PPM1L: variants seen among roughly 807,000 people sequenced by gnomAD.
PPM1L encodes protein phosphatase 1L.
PPM1L carries 13 observed loss-of-function variants against 31.4 expected under a neutral mutation model. The observed-to-expected ratio is 0.41, with a 90% CI of 0.27 to 0.66. The LOEUF is 0.66. Among genes scored for constraint, PPM1L ranks in the 30% least tolerant of loss-of-function variants. The pLI is 0.29. For missense variants in PPM1L, 326 were observed against 453.7 expected, an observed-to-expected ratio of 0.72 and a Z score of 2.56; for synonymous variants, 184 against 175.4, an observed-to-expected ratio of 1.05 and a Z score of -0.39.
chr3:161,043,881 T>C (rs898433689), intron 2 of PPM1L, among the ~76,000 whole-genome samples: 2 of 152,190 alleles, frequency 1.3e-5, no homozygotes, highest in Admixed American at 1.3e-4. Flanking sequence ...CTCCTCCCAC[T>C]CACTTTACCC....
At chr3:160,773,209 ATCTCAAT>A (rs1225947774) in intron 1 of PPM1L, among the ~76,000 whole-genome samples, 1 of 152,194 alleles carries the variant, frequency 6.6e-6, no homozygotes, top group Non-Finnish European at 1.5e-5. Flanking sequence ...GTGAAGCAGT[ATCTCAAT>A]GTAGTTTTAG....
At chr3:160,818,458 C>T (rs1480116333) in intron 1 of PPM1L, among the ~76,000 whole-genome samples, 1 of 151,962 alleles carries the variant, frequency 6.6e-6, no homozygotes, top group Non-Finnish European at 1.5e-5. Context: ...AGCTCACTGC[C>T]CTACATTTCT....
intron 2 of PPM1L, among the ~76,000 whole-genome samples, chr3:160,969,255 A>G (rs146428272): frequency 6.6e-6 from 1 of 152,354 alleles, no homozygotes; most frequent in Non-Finnish European, 1.5e-5. Context: ...TTTTGGAAAA[A>G]TAGCTTTTTA....
In PPM1L at chr3:160,843,921, T is replaced by C. The variant is rs565391280; in HGVS notation, c.399+87214T>C. Among the ~76,000 whole-genome samples, 10 of 152,256 alleles carry C rather than the reference T, an allele frequency of 6.6e-5. No homozygotes were observed. The East Asian group carries it at 1.9e-3, about 29-fold the overall frequency. Reference sequence around the variant, plus strand: ...GATAGACTGGATTAAGAAAATGTGGTACATATACACCATGGAATACTATGC... The same window carrying C: ...GATAGACTGGATTAAGAAAATGTGGCACATATACACCATGGAATACTATGC... On this transcript the variant is annotated intron_variant, in intron 1 of 3. Transcript: ENST00000498165.
intron 2 of PPM1L, among the ~76,000 whole-genome samples, chr3:161,037,156 A>T (rs1718764052): frequency 6.6e-6 from 1 of 152,140 alleles, no homozygotes; most frequent in Non-Finnish European, 1.5e-5. Context: ...GGACTTTATG[A>T]TTCCTTTGTA....
chr3:160,826,315 G>A (rs1449024320), intron 1 of PPM1L, among the ~76,000 whole-genome samples: 1 of 152,092 alleles, frequency 6.6e-6, no homozygotes, highest in Non-Finnish European at 1.5e-5. Flanking sequence ...ATGGAATTTG[G>A]CCCATGGCTC....
chr3:160,933,679 C>T (rs1233566330), intron 1 of PPM1L, among the ~76,000 whole-genome samples: 1 of 145,176 alleles, frequency 6.9e-6, no homozygotes, highest in Non-Finnish European at 1.5e-5. Context: ...GTTGCCTTGA[C>T]TTTTTTTTTT....
chr3:160,851,480 T>G (rs1028162428), intron 1 of PPM1L, among the ~76,000 whole-genome samples: 5 of 152,230 alleles, frequency 3.3e-5, no homozygotes, highest in Non-Finnish European at 7.3e-5. Flanking sequence ...AGGGGTAATT[T>G]GCTTCATTGC....
chr3:160,833,979 A>G (rs1713612793), intron 1 of PPM1L, among the ~76,000 whole-genome samples: 1 of 150,244 alleles, frequency 6.7e-6, no homozygotes, highest in Non-Finnish European at 1.5e-5. Flanking sequence ...TCCAGTGTCC[A>G]GTTACAAATT....
At chr3:161,064,017 CA>C (rs1194144911) in intron 2 of PPM1L, among the ~76,000 whole-genome samples, 1 of 151,802 alleles carries the variant, frequency 6.6e-6, no homozygotes, top group African/African-American at 2.4e-5. Flanking sequence ...CAGGGTCTGT[CA>C]GGGGGTGTGG....
chr3:161,046,097 C>T (rs551331655), intron 2 of PPM1L, among the ~76,000 whole-genome samples: 106 of 102,912 alleles, frequency 1.0e-3, no homozygotes, highest in African/African-American at 1.6e-3. Flanking sequence ...GGTGACAGAG[C>T]GAGACTCTGT....
intron 1 of PPM1L, among the ~76,000 whole-genome samples, chr3:160,831,528 A>G (rs1405206375): frequency 1.3e-5 from 2 of 152,240 alleles, no homozygotes; most frequent in East Asian, 3.8e-4. Flanking sequence ...GACCTCTGCT[A>G]CACAAAGGCT....
chr3:160,768,268 A>G (rs1715162347), intron 1 of PPM1L, among the ~76,000 whole-genome samples: 1 of 152,114 alleles, frequency 6.6e-6, no homozygotes, highest in African/African-American at 2.4e-5. Flanking sequence ...TGAAATATCT[A>G]TTTTTAAGGA....
intron 1 of PPM1L, among the ~76,000 whole-genome samples, chr3:160,863,592 A>G (rs1355927196): frequency 6.6e-6 from 1 of 152,128 alleles, no homozygotes; most frequent in Non-Finnish European, 1.5e-5. Context: ...TGCTGTGGAA[A>G]CTGTCTAGTG....
chr3:160,976,430 A>G (rs1423631288), intron 2 of PPM1L, among the ~76,000 whole-genome samples: 1 of 142,718 alleles, frequency 7.0e-6, no homozygotes, highest in Non-Finnish European at 1.5e-5. Flanking sequence ...TATTGATTGG[A>G]ATAGTTTCAG....
At chr3:161,018,367 A>G (rs566788448) in intron 2 of PPM1L, among the ~76,000 whole-genome samples, 5 of 152,332 alleles carry the variant, frequency 3.3e-5, no homozygotes, top group African/African-American at 1.2e-4. Context: ...TGTTTATTCA[A>G]TAGTAATAAT....
Position 160,962,145 on chromosome 3 carries a change from G to T in PPM1L, c.574+235G>T, listed in dbSNP as rs530541333. ...TGCTGTTTTTTATTGGGATTTTTTT[G>T]GCCTTTTATTAACTGGGTACTCCTA... On this transcript the variant is annotated intron_variant, in intron 2 of 3. Coordinates refer to ENST00000498165, the MANE Select transcript of PPM1L (RefSeq NM_139245.4). Among the ~76,000 whole-genome samples the T allele has an allele frequency of 3.3e-5, 5 of 151,694 alleles. No individual in the cohort carries two copies. In the East Asian group the frequency reaches 9.7e-4, roughly 29 times the overall value.
rs1419027068 is a variant in PPM1L at position 161,071,750 on chromosome 3, T to TG, written c.*2597dup. 6.6e-6 allele frequency: 1 copy of TG among 152,208 alleles called. No individual in the cohort carries two copies. Among genetic ancestry groups the TG allele is most frequent in the Non-Finnish European group, 1.5e-5 (1 of 68,046 alleles). 9.4% of individuals were successfully genotyped at this position (152,208 alleles called of 1,614,324 possible). On this transcript the variant is annotated 3_prime_UTR_variant, in exon 4 of 4. Transcript: ENST00000498165. ...CTCTCCCTAGCCCTTTTCCAGCTGT[T>TG]GGGGATGTGCAGACATCACTCCTGG...
chr3:160,836,241 T>A (rs1001530238), intron 1 of PPM1L, among the ~76,000 whole-genome samples: 1 of 151,528 alleles, frequency 6.6e-6, no homozygotes, highest in African/African-American at 2.4e-5. Context: ...GAGAGAGTAT[T>A]TTTAAGAAGT....
Sources: allele counts gnomAD v4.1 joint callset (sites outside exome capture counted in the v4.1 genomes callset), GRCh38; gene constraint gnomAD v4.1.1; transcripts MANE v1.5; gene names NCBI Gene and HGNC (gene_info 2026-07-23, HGNC 2026-07-21).